Variants in EPB41L2 observed in about 807,000 individuals in gnomAD.
EPB41L2 encodes band 4.1-like protein 2.
A neutral mutation model predicts 113.0 loss-of-function variants in EPB41L2; 43 were observed. That is an observed-to-expected ratio of 0.38 (90% CI 0.30 to 0.49). EPB41L2 has a LOEUF of 0.49. Among genes scored for constraint, EPB41L2 ranks in the 20% least tolerant of loss-of-function variants. The probability of loss-of-function intolerance (pLI) is 0.95; values close to 1 mark genes in which losing one functional copy is unlikely to be tolerated. For missense variants in EPB41L2, 1,147 were observed against 1,223.4 expected (o/e 0.94, Z 0.93); for synonymous variants, 442 against 436.7 (o/e 1.01, Z -0.15).
At chr6:130,999,529 T>C (rs941576994) in intron 1 of EPB41L2, among the ~76,000 whole-genome samples, 1 of 152,220 alleles carries the variant, frequency 6.6e-6, no homozygotes, top group Non-Finnish European at 1.5e-5. Context: ...GTAAGAAATC[T>C]CATGTCGTCT....
At chr6:131,049,494 T>C (rs1796126269) in intron 1 of EPB41L2, among the ~76,000 whole-genome samples, 1 of 152,250 alleles carries the variant, frequency 6.6e-6, no homozygotes, top group Admixed American at 6.5e-5. Flanking sequence ...GATGTTCATT[T>C]AGTAGCTTTT....
intron 1 of EPB41L2, among the ~76,000 whole-genome samples, chr6:131,023,714 CGT>C (rs57842026): frequency 5.6e-5 from 8 of 142,098 alleles, no homozygotes; most frequent in South Asian, 2.2e-4. Context: ...AAAATGTGTG[CGT>C]GTGTGTGTGT....
At chr6:131,026,179 G>A (rs184880825) in intron 1 of EPB41L2, among the ~76,000 whole-genome samples, 4 of 152,296 alleles carry the variant, frequency 2.6e-5, no homozygotes, top group African/African-American at 9.6e-5. Flanking sequence ...TTTTATTGAA[G>A]CTGTATGAAC....
intron 5 of EPB41L2, among the ~76,000 whole-genome samples, chr6:130,905,799 C>T (rs1380354613): frequency 6.6e-6 from 1 of 152,148 alleles, no homozygotes; most frequent in African/African-American, 2.4e-5. Flanking sequence ...CCTTGAATCC[C>T]ATTCTCTTGT....
intron 6 of EPB41L2, among the ~76,000 whole-genome samples, chr6:130,902,886 C>T (rs1182793657): frequency 4.6e-5 from 7 of 152,158 alleles, no homozygotes; most frequent in Admixed American, 3.9e-4. Context: ...AAACATTATT[C>T]GAAATAGTGT....
chr6:130,932,524 A>G (rs965859696), intron 3 of EPB41L2, among the ~76,000 whole-genome samples: 3 of 152,230 alleles, frequency 2.0e-5, no homozygotes, highest in African/African-American at 4.8e-5. Flanking sequence ...TTATCAAGAC[A>G]TATTCTAATT....
chr6:130,916,952 A>C (rs1378475338), intron 4 of EPB41L2, among the ~76,000 whole-genome samples: 2 of 152,198 alleles, frequency 1.3e-5, no homozygotes, highest in African/African-American at 4.8e-5. Flanking sequence ...GTCAGCCTTC[A>C]CTGAGTAAAC....
At chr6:130,935,170 A>G (rs1463532307) in intron 3 of EPB41L2, among the ~76,000 whole-genome samples, 1 of 152,212 alleles carries the variant, frequency 6.6e-6, no homozygotes, top group African/African-American at 2.4e-5. Flanking sequence ...CTGCTTAGAA[A>G]AACACACACT....
chr6:130,952,686 T>C (rs1236629670), intron 3 of EPB41L2, among the ~76,000 whole-genome samples: 8 of 152,028 alleles, frequency 5.3e-5, no homozygotes, highest in Admixed American at 5.2e-4. Flanking sequence ...GGCTCATGCC[T>C]GTAATCCCAG....
intron 18 of EPB41L2, among the ~76,000 whole-genome samples, chr6:130,859,565 TAGGA>T (rs1260370366): frequency 6.6e-6 from 1 of 151,514 alleles, no homozygotes; most frequent in Non-Finnish European, 1.5e-5. Flanking sequence ...AAAATTTTAC[TAGGA>T]CAGAGAATAC....
At chr6:130,919,212 C>T (rs1044949912) in intron 4 of EPB41L2, among the ~76,000 whole-genome samples, 1 of 152,226 alleles carries the variant, frequency 6.6e-6, no homozygotes, top group Admixed American at 6.5e-5. Flanking sequence ...TTTATATGTT[C>T]ATCTTACCTT....
intron 1 of EPB41L2, among the ~76,000 whole-genome samples, chr6:131,037,585 A>T (rs371901456): frequency 0.01 from 1,288 of 122,708 alleles, 9 homozygotes; most frequent in South Asian, 0.02. Context: ...AAAACCTAAA[A>T]TTTTTTTTTT....
intron 1 of EPB41L2, among the ~76,000 whole-genome samples, chr6:131,052,191 C>T (rs889850415): frequency 1.3e-5 from 2 of 152,166 alleles, no homozygotes; most frequent in African/African-American, 4.8e-5. Flanking sequence ...ACTGCCTCAG[C>T]CTCCCGAAGT....
chr6:130,902,741 T>C (rs772093899), intron 6 of EPB41L2, among the ~76,000 whole-genome samples: 2 of 152,188 alleles, frequency 1.3e-5, no homozygotes, highest in Non-Finnish European at 2.9e-5. Flanking sequence ...TATATTATTG[T>C]CTCTGCTTTT....
intron 3 of EPB41L2, among the ~76,000 whole-genome samples, chr6:130,954,045 T>TTC (rs1816439205): frequency 1.8e-5 from 1 of 56,028 alleles, no homozygotes; most frequent in East Asian, 9.1e-4. Flanking sequence ...TCTTTCTTTT[T>TTC]TTTTTTTTTT....
chr6:131,035,463 T>C (rs984130083), intron 1 of EPB41L2, among the ~76,000 whole-genome samples: 3 of 152,208 alleles, frequency 2.0e-5, no homozygotes, highest in Non-Finnish European at 2.9e-5. Context: ...TTCCCTGACA[T>C]ACACCAACAC....
chr6:131,034,334 G>T (rs1029884646), intron 1 of EPB41L2, among the ~76,000 whole-genome samples: 1 of 152,184 alleles, frequency 6.6e-6, no homozygotes, highest in South Asian at 2.1e-4. Context: ...TTGGTCAGGT[G>T]TAGTGTCATA....
At chr6:130,874,467 A>G (rs1288406420) in intron 14 of EPB41L2, among the ~76,000 whole-genome samples, 2 of 152,184 alleles carry the variant, frequency 1.3e-5, no homozygotes, top group African/African-American at 4.8e-5. Context: ...GAAATTGAAA[A>G]GGTACTCTGG....
At chr6:130,926,923 A>C (rs1437438155) in intron 3 of EPB41L2, among the ~76,000 whole-genome samples, 1 of 152,228 alleles carries the variant, frequency 6.6e-6, no homozygotes, top group East Asian at 1.9e-4. Flanking sequence ...CAAAAGCATA[A>C]GCAAGCACCG....
Sources: gnomAD v4.1 joint callset for allele counts (sites outside exome capture counted in the v4.1 genomes callset) on GRCh38, gnomAD v4.1.1 for gene constraint, MANE v1.5 for transcripts, NCBI Gene and HGNC (gene_info 2026-07-23, HGNC 2026-07-21) for gene names.